The following WWP2 variants were observed in gnomAD, a reference collection of about 807,000 sequenced individuals.
The protein encoded by WWP2 is NEDD4-like E3 ubiquitin-protein ligase WWP2.
A neutral mutation model predicts 121.0 loss-of-function variants in WWP2; 57 were observed. The observed-to-expected ratio is 0.47, with a 90% CI of 0.38 to 0.59. The LOEUF (loss-of-function observed/expected upper bound fraction) is 0.59, where lower values mean the gene tolerates loss of function less well. Ranked by LOEUF, WWP2 falls within the 20% of genes least tolerant of loss-of-function variation. The pLI is 0.00. For synonymous variants in WWP2, 449 were observed against 441.3 expected, an observed-to-expected ratio of 1.02 and a Z score of -0.22; for missense variants, 962 against 1,158.9, an observed-to-expected ratio of 0.83 and a Z score of 2.47.
intron 9 of WWP2, among the ~76,000 whole-genome samples, chr16:69,913,470 C>T (rs1317249961): frequency 6.6e-6 from 1 of 151,750 alleles, no homozygotes; most frequent in Non-Finnish European, 1.5e-5. Flanking sequence ...CCACTGCGCT[C>T]CAGCCTGGGT....
chr16:69,875,250 G>C (rs140797145), intron 7 of WWP2, among the ~76,000 whole-genome samples: 2 of 152,170 alleles, frequency 1.3e-5, no homozygotes, highest in African/African-American at 4.8e-5. Context: ...TCTAAAAAAT[G>C]TATACACTTT....
chr16:69,766,129 C>G (rs915032048), intron 1 of WWP2, among the ~76,000 whole-genome samples: 1 of 152,110 alleles, frequency 6.6e-6, no homozygotes, highest in East Asian at 1.9e-4. Context: ...TACACCTGCC[C>G]CTCAGACAGC....
chr16:69,891,694 C>A (rs7190665), intron 8 of WWP2, among the ~76,000 whole-genome samples: 5,653 of 152,226 alleles, frequency 0.037, 294 homozygotes, highest in African/African-American at 0.12. Flanking sequence ...CCTCTGGGAT[C>A]TGATGCTAAG....
At chr16:69,924,884 G>T in intron 10 of WWP2, 1 of 980,266 alleles carries the variant, frequency 1.0e-6, no homozygotes, top group South Asian at 4.7e-5. Flanking sequence ...GGAGGTTGGG[G>T]GGGACGCCGA....
chr16:69,921,665 G>A lies in WWP2; in HGVS notation c.1180-3765G>A, dbSNP rs76309079. Reference sequence around the variant, plus strand: ...CAGTTTCTTTTTGCCGTCTTGTGTCGTGTTCCTGCTGGGACCCACTGAAGA... The same window carrying A: ...CAGTTTCTTTTTGCCGTCTTGTGTCATGTTCCTGCTGGGACCCACTGAAGA... On this transcript the variant is annotated intron_variant, in intron 10 of 23. Coordinates refer to ENST00000359154, the MANE Select transcript of WWP2 (RefSeq NM_001270454.2). 4.1e-4 allele frequency among the ~76,000 whole-genome samples: 63 copies of A among 152,200 alleles called. 1 individual carries two copies. Among genetic ancestry groups the A allele is most frequent in the Middle Eastern group, 3.4e-3 (1 of 294 alleles).
chr16:69,840,415 G>A (rs1308180038), intron 5 of WWP2, 152 bp downstream of exon 5: 10 of 926,180 alleles, frequency 1.1e-5, no homozygotes, highest in Middle Eastern at 3.4e-4. Context: ...TCTTAGCTCC[G>A]TGGATCAGTA....
At position 69,792,539 on chromosome 16, in the gene WWP2, T is replaced by G. The variant is rs1050084580; in HGVS notation, c.70+5459T>G. On this transcript the variant is annotated intron_variant, in intron 2 of 23. Coordinates refer to ENST00000359154, the MANE Select transcript of WWP2 (RefSeq NM_001270454.2). ...GCCTGTCTTTTAAGAACAAGAAATA[T>G]TCAAAATATCACCCTGCTGATTAAC... Among the ~76,000 whole-genome samples, 17 of 152,312 alleles carry G rather than the reference T, an allele frequency of 1.1e-4. 2 individuals are homozygous for G. Among genetic ancestry groups the G allele is most frequent in the East Asian group, 3.9e-4 (2 of 5,186 alleles).
At chr16:69,861,289 C>T (rs1469107238) in intron 6 of WWP2, among the ~76,000 whole-genome samples, 1 of 152,238 alleles carries the variant, frequency 6.6e-6, no homozygotes, top group East Asian at 1.9e-4. Context: ...CATTTGAGCA[C>T]TCTTCTCAGC....
chr16:69,812,468 A>ACC (rs747172682), intron 4 of WWP2, among the ~76,000 whole-genome samples: 77 of 101,750 alleles, frequency 7.6e-4, no homozygotes, highest in South Asian at 1.7e-3. Flanking sequence ...CCTGCCCCCA[A>ACC]CCCCCCCCCT....
chr16:69,841,511 A>G (rs556538231), intron 5 of WWP2, among the ~76,000 whole-genome samples: 1 of 152,238 alleles, frequency 6.6e-6, no homozygotes, highest in East Asian at 1.9e-4. Flanking sequence ...GATCAGAGAA[A>G]CAGGTCAACT....
intron 4 of WWP2, among the ~76,000 whole-genome samples, chr16:69,831,684 TGA>T (rs772889691): frequency 2.6e-5 from 4 of 151,998 alleles, no homozygotes; most frequent in Non-Finnish European, 4.4e-5. Context: ...AAAATAAGAG[TGA>T]GAGTTATTCC....
chr16:69,889,170 C>G lies in WWP2; in HGVS notation c.914+921C>G, dbSNP rs562780800. On this transcript the variant is annotated intron_variant, in intron 8 of 23. Coordinates refer to ENST00000359154, the MANE Select transcript of WWP2 (RefSeq NM_001270454.2). ...CTACACACACACACACACACACACA[C>G]ACACACAAATGTGGGCACAGTGACC... Among the ~76,000 whole-genome samples, 253 of 152,212 alleles carry G rather than the reference C, an allele frequency of 1.7e-3. 4 individuals are homozygous for G. Among genetic ancestry groups the G allele is most frequent in the Non-Finnish European group, 2.1e-4 (14 of 68,010 alleles).
rs1302978336 is a variant in WWP2 at position 69,820,545 on chromosome 16, CCT to C, written c.341-19580_341-19579del. Reference sequence around the variant, plus strand: ...AGGCGTGAGCCACCGCTCTTGGCCCCCTGTCTCTTAAAAAAAAAAAAAAATAG... The same window carrying C: ...AGGCGTGAGCCACCGCTCTTGGCCCCGTCTCTTAAAAAAAAAAAAAAATAG... On this transcript the variant is annotated intron_variant, in intron 4 of 23. Transcript: ENST00000359154. 5.5e-4 allele frequency among the ~76,000 whole-genome samples: 71 copies of C among 129,116 alleles called. 17 individuals carry two copies. In the Middle Eastern group the frequency reaches 0.016, roughly 30 times the overall value. The allele number at this position is 129,116 out of a possible 152,430, so 84.7% of individuals were successfully genotyped here.
intron 6 of WWP2, 27 bp downstream of exon 6, chr16:69,842,147 G>C: frequency 6.2e-7 from 1 of 1,603,550 alleles, no homozygotes; most frequent in Non-Finnish European, 8.5e-7. Context: ...TGAGGACAAA[G>C]AGCTAAGAAG....
chr16:69,874,338 A>C (rs915936483), intron 7 of WWP2, among the ~76,000 whole-genome samples: 1 of 152,134 alleles, frequency 6.6e-6, no homozygotes, highest in African/African-American at 2.4e-5. Flanking sequence ...GGACATCTTC[A>C]TCCCTCGGGC....
chr16:69,840,631 G>A (rs1373201967), intron 5 of WWP2, among the ~76,000 whole-genome samples: 2 of 152,158 alleles, frequency 1.3e-5, no homozygotes, highest in Admixed American at 1.3e-4. Context: ...TTTATGAGAG[G>A]CATTGGTTGG....
chr16:69,935,139 A>G lies in WWP2; in HGVS notation c.1843-714A>G, dbSNP rs1031161945. On this transcript the variant is annotated intron_variant, in intron 17 of 23. Coordinates refer to ENST00000359154, the MANE Select transcript of WWP2 (RefSeq NM_001270454.2). This position sits in a 1 kb window ranked among gnomAD's most constrained non-coding sequence, Gnocchi z 5.2. ...GTGGGAGGCACAGCGCGGGAGCCAC[A>G]TGCATAGCTGGAGATGTTTCAATTC... 6.6e-6 allele frequency among the ~76,000 whole-genome samples: 1 copy of G among 152,178 alleles called. No individual in the cohort carries two copies. Among genetic ancestry groups the G allele is most frequent in the Admixed American group, 6.5e-5 (1 of 15,282 alleles).
intron 2 of WWP2, among the ~76,000 whole-genome samples, chr16:69,795,067 C>T (rs549639420): frequency 6.6e-6 from 1 of 152,128 alleles, no homozygotes; most frequent in South Asian, 2.1e-4. Context: ...AATCCCGTCT[C>T]TACAAAAAAA....
intron 17 of WWP2, among the ~76,000 whole-genome samples, chr16:69,934,877 G>A (rs572305557): frequency 2.6e-5 from 4 of 152,292 alleles, no homozygotes; most frequent in East Asian, 1.9e-4. Flanking sequence ...CAGAGAGGGC[G>A]CGCCAGTCCA....
Sources: allele counts gnomAD v4.1 joint callset (sites outside exome capture counted in the v4.1 genomes callset), GRCh38; gene constraint gnomAD v4.1.1; non-coding constraint Gnocchi (gnomAD v3.1); transcripts MANE v1.5; gene names NCBI Gene and HGNC (gene_info 2026-07-23, HGNC 2026-07-21).